Variants in RUNX1 observed in about 807,000 individuals in gnomAD.
RUNX1 encodes the protein RUNX family transcription factor 1, also known as runt-related transcription factor 1.
RUNX1 carries 19 observed loss-of-function variants against 42.8 expected under a neutral mutation model. The ratio of observed to expected loss-of-function variants is 0.44; its 90% confidence interval spans 0.31 to 0.65. RUNX1 has a LOEUF of 0.65. RUNX1 is among the 30% of genes least tolerant of loss of function. RUNX1 has a pLI of 0.07. For synonymous variants in RUNX1, 271 were observed against 289.4 expected, an observed-to-expected ratio of 0.94 and a Z score of 0.64; for missense variants, 528 against 672.0, an observed-to-expected ratio of 0.79 and a Z score of 2.37.
chr21:34,885,126 C>G (rs2057961228), intron 4 of RUNX1, among the ~76,000 whole-genome samples: 1 of 152,008 alleles, frequency 6.6e-6, no homozygotes, highest in South Asian at 2.1e-4. Flanking sequence ...AGTGTGGGTT[C>G]CCTGGCAGAG....
In RUNX1 at chr21:34,989,160, C is replaced by T. The variant is rs138464965; in HGVS notation, c.58+59682G>A. On this transcript the variant is annotated intron_variant, in intron 2 of 8. Transcript: ENST00000675419. ...AGTAGCTGAGATTACAGGCGCCCGC[C>T]GCCACACCCAGCTAATTTTTGTATT... Among the ~76,000 whole-genome samples, 695 of 152,170 alleles carry T rather than the reference C, an allele frequency of 4.6e-3. 8 individuals carry two copies. The highest frequency in any genetic ancestry group is 0.016 in the African/African-American group (653 of 41,500).
At position 34,788,580 on chromosome 21, in the gene RUNX1, A is replaced by G. The variant is rs937439126; in HGVS notation, c.*3555T>C. On this transcript the variant is annotated 3_prime_UTR_variant, in exon 9 of 9. Transcript: ENST00000675419. The stretch of plus-strand genomic sequence containing the variant: ...AAAAAATTGAAAAAAAGTTATAGGC[A>G]TTAACAATATTTTATAATGAAGCTT... The G allele has an allele frequency of 7.3e-5, 17 of 233,140 alleles. No homozygotes were observed. The highest frequency in any genetic ancestry group is 3.5e-4 in the African/African-American group (16 of 45,328). The allele number at this position is 233,140 out of a possible 1,614,324, so 14.4% of individuals were successfully genotyped here.
At chr21:34,868,984 T>C (rs192121158) in intron 5 of RUNX1, among the ~76,000 whole-genome samples, 1 of 152,306 alleles carries the variant, frequency 6.6e-6, no homozygotes, top group East Asian at 1.9e-4. Flanking sequence ...TTTGTAATTA[T>C]ATTATTATTA....
intron 5 of RUNX1, among the ~76,000 whole-genome samples, chr21:34,870,790 T>A (rs996809682): frequency 6.6e-6 from 1 of 151,964 alleles, no homozygotes; most frequent in African/African-American, 2.4e-5. Flanking sequence ...AAACCCCGTC[T>A]CTATGAAAAA....
chr21:34,819,329 G>T (rs1258393768), intron 7 of RUNX1, among the ~76,000 whole-genome samples: 2 of 152,246 alleles, frequency 1.3e-5, no homozygotes, highest in East Asian at 3.8e-4. Context: ...GACATGGCAA[G>T]AGCCACACGC....
intron 6 of RUNX1, among the ~76,000 whole-genome samples, chr21:34,857,682 T>TCCC (rs1282471672): frequency 6.6e-6 from 1 of 152,138 alleles, no homozygotes. Context: ...AACAACTGCC[T>TCCC]CCCTCCCAGC....
chr21:34,905,581 C>T (rs2058211827), intron 2 of RUNX1, among the ~76,000 whole-genome samples: 3 of 152,176 alleles, frequency 2.0e-5, no homozygotes, highest in African/African-American at 7.2e-5. Flanking sequence ...AAGAGAAAAA[C>T]TTCTTTAGCC....
At chr21:34,977,945 G>A (rs543371723) in intron 2 of RUNX1, among the ~76,000 whole-genome samples, 57 of 149,720 alleles carry the variant, frequency 3.8e-4, no homozygotes, top group Non-Finnish European at 6.7e-4. Context: ...TTTTTGAGAC[G>A]GAGTCTCTCT....
chr21:34,877,647 G>A (rs1353196277), intron 5 of RUNX1, among the ~76,000 whole-genome samples: 2 of 152,206 alleles, frequency 1.3e-5, no homozygotes, highest in African/African-American at 4.8e-5. Flanking sequence ...TGTAGCCAGC[G>A]AGGCCATCAA....
intron 2 of RUNX1, among the ~76,000 whole-genome samples, chr21:34,931,478 T>C (rs904862887): frequency 6.2e-5 from 9 of 145,796 alleles, no homozygotes; most frequent in Admixed American, 2.8e-4. Context: ...ATATTATATA[T>C]GTATATAATG....
At chr21:34,962,273 C>G (rs1427858569) in intron 2 of RUNX1, among the ~76,000 whole-genome samples, 1 of 152,162 alleles carries the variant, frequency 6.6e-6, no homozygotes, top group African/African-American at 2.4e-5. Flanking sequence ...TTTGCTCCCA[C>G]TAAATATTTT....
chr21:34,890,218 A>C (rs1028219017), intron 3 of RUNX1, among the ~76,000 whole-genome samples: 2 of 151,538 alleles, frequency 1.3e-5, no homozygotes, highest in Non-Finnish European at 2.9e-5. Context: ...AGGGGGCAGC[A>C]GCCGCCCTCC....
chr21:34,895,190 G>A (rs554905900), intron 2 of RUNX1, among the ~76,000 whole-genome samples: 2 of 152,180 alleles, frequency 1.3e-5, no homozygotes, highest in African/African-American at 4.8e-5. Context: ...GGTCCATTTG[G>A]CTGAGAAGCT....
intron 5 of RUNX1, among the ~76,000 whole-genome samples, chr21:34,867,265 A>G (rs764843015): frequency 6.6e-6 from 1 of 151,784 alleles, no homozygotes; most frequent in Non-Finnish European, 1.5e-5. Flanking sequence ...AAAATAAAAT[A>G]AAAATAAAAA....
chr21:34,888,553 G>A (rs540717473), intron 3 of RUNX1: 2 of 1,063,938 alleles, frequency 1.9e-6, no homozygotes, highest in Non-Finnish European at 1.1e-6. Context: ...CCAAGGAGAA[G>A]CAGCAGAGGT....
intron 7 of RUNX1, among the ~76,000 whole-genome samples, chr21:34,829,355 T>C (rs935409002): frequency 6.6e-6 from 1 of 152,226 alleles, no homozygotes; most frequent in African/African-American, 2.4e-5. Flanking sequence ...TCAGAACATA[T>C]GCAGTCTACA....
chr21:34,799,634 T>C (rs926643724), intron 7 of RUNX1, among the ~76,000 whole-genome samples, 172 bp from the exon 8 acceptor site: 1 of 152,198 alleles, frequency 6.6e-6, no homozygotes, highest in Non-Finnish European at 1.5e-5. Context: ...TGTTGGATTA[T>C]TTTCCCCCAA....
intron 3 of RUNX1, among the ~76,000 whole-genome samples, chr21:34,891,047 C>T (rs1308674765): frequency 1.3e-5 from 2 of 152,096 alleles, no homozygotes; most frequent in Non-Finnish European, 2.9e-5. Flanking sequence ...GTGATTTGCC[C>T]CTCGGAAAGG....
intron 6 of RUNX1, among the ~76,000 whole-genome samples, chr21:34,835,259 C>A (rs557958465): frequency 6.6e-6 from 1 of 152,286 alleles, no homozygotes; most frequent in South Asian, 2.1e-4. Context: ...CCGACTCCCC[C>A]ATGTACCCCT....
Sources: gnomAD v4.1 joint callset for allele counts (sites outside exome capture counted in the v4.1 genomes callset) on GRCh38, gnomAD v4.1.1 for gene constraint, MANE v1.5 for transcripts, NCBI Gene and HGNC (gene_info 2026-07-23, HGNC 2026-07-21) for gene names.